The following SLC15A5 variants were observed in gnomAD, a reference collection of about 807,000 sequenced individuals.
The protein encoded by SLC15A5 is Peptide/histidine transporter ENSP00000340402.
In SLC15A5, 58 loss-of-function variants were observed where a neutral mutation model predicts 56.1. The observed-to-expected ratio is 1.03, with a 90% confidence interval of 0.84 to 1.29. The LOEUF is 1.29. SLC15A5 is among the 50% of genes most tolerant of loss of function. The pLI, the probability that SLC15A5 is intolerant of heterozygous loss-of-function variation, is 0.00. For missense variants in SLC15A5, 681 were observed against 672.1 expected (o/e 1.01, Z -0.15); for synonymous variants, 264 against 250.5 (o/e 1.05, Z -0.51).
intron 1 of SLC15A5, among the ~76,000 whole-genome samples, chr12:16,276,493 A>G (rs1864822488): frequency 6.6e-6 from 1 of 151,906 alleles, no homozygotes; most frequent in Non-Finnish European, 1.5e-5. Flanking sequence ...TTGGCACTTT[A>G]TTGCTTAAAC....
chr12:16,230,575 C>G (rs920685091), intron 5 of SLC15A5, among the ~76,000 whole-genome samples: 2 of 152,070 alleles, frequency 1.3e-5, no homozygotes, highest in Non-Finnish European at 2.9e-5. Flanking sequence ...TAATTATTTA[C>G]ACCCAGAGAA....
At chr12:16,265,812 T>C (rs541117067) in intron 2 of SLC15A5, among the ~76,000 whole-genome samples, 88 of 152,320 alleles carry the variant, frequency 5.8e-4, no homozygotes, top group South Asian at 1.4e-3. Context: ...GAAAATACTC[T>C]TTCTTCAATT....
chr12:16,273,272 T>C (rs1864780146), intron 1 of SLC15A5, among the ~76,000 whole-genome samples: 1 of 145,170 alleles, frequency 6.9e-6, no homozygotes, highest in African/African-American at 2.5e-5. Context: ...GAACACAGCC[T>C]TTTTTTTTTT....
intron 2 of SLC15A5, among the ~76,000 whole-genome samples, chr12:16,266,893 T>C (rs1477175884): frequency 6.6e-6 from 1 of 152,228 alleles, no homozygotes; most frequent in African/African-American, 2.4e-5. Context: ...TGGGAGTATA[T>C]ATAAGTGGTA....
intron 6 of SLC15A5, among the ~76,000 whole-genome samples, chr12:16,223,188 A>C (rs1394772534): frequency 6.6e-6 from 1 of 152,180 alleles, no homozygotes; most frequent in African/African-American, 2.4e-5. Flanking sequence ...TTTTAAGATA[A>C]TAGAATCATT....
At chr12:16,266,966 C>G (rs1402435265) in intron 2 of SLC15A5, among the ~76,000 whole-genome samples, 1 of 152,128 alleles carries the variant, frequency 6.6e-6, no homozygotes, top group African/African-American at 2.4e-5. Context: ...TGCTGCAAAA[C>G]TCAGCAATCC....
chr12:16,214,192 T>C (rs1281286289), intron 7 of SLC15A5, among the ~76,000 whole-genome samples: 3 of 152,238 alleles, frequency 2.0e-5, no homozygotes, highest in Non-Finnish European at 4.4e-5. Flanking sequence ...GCTCCTACTA[T>C]ACTATATAGA....
In SLC15A5 at chr12:16,234,876, C is replaced by G. The variant is rs1864331955; in HGVS notation, c.1162+4805G>C. 2.6e-5 allele frequency among the ~76,000 whole-genome samples: 4 copies of G among 152,002 alleles called. No homozygotes were observed. In the South Asian group the frequency reaches 8.3e-4, roughly 32 times the overall value. On this transcript the variant is annotated intron_variant, in intron 5 of 8. Coordinates refer to ENST00000344941, the MANE Select transcript of SLC15A5 (RefSeq NM_001170798.1). ...ATTCTTTAGGTATTGGTATAAGATTCTTTAGGTATAAATTTATTTGCTGAG... is the reference window on the plus strand; with the variant it reads ...ATTCTTTAGGTATTGGTATAAGATTGTTTAGGTATAAATTTATTTGCTGAG...
At chr12:16,193,206 G>T (rs1863855187) in intron 8 of SLC15A5, among the ~76,000 whole-genome samples, 1 of 152,022 alleles carries the variant, frequency 6.6e-6, no homozygotes, top group East Asian at 1.9e-4. Context: ...TCTCTAATTT[G>T]ATTTTCAATC....
chr12:16,273,221 A>G (rs2136826857), intron 1 of SLC15A5, among the ~76,000 whole-genome samples: 1 of 152,184 alleles, frequency 6.6e-6, no homozygotes, highest in South Asian at 2.1e-4. Context: ...GAAGCTTATT[A>G]CCTAAAAGCT....
chr12:16,255,815 T>C (rs535112627), intron 3 of SLC15A5, among the ~76,000 whole-genome samples: 4 of 152,058 alleles, frequency 2.6e-5, no homozygotes, highest in African/African-American at 9.6e-5. Flanking sequence ...GAGAAAAGTG[T>C]GAATTATATG....
intron 5 of SLC15A5, among the ~76,000 whole-genome samples, chr12:16,226,556 T>G (rs2136250472): frequency 6.6e-6 from 1 of 152,292 alleles, no homozygotes; most frequent in East Asian, 1.9e-4. Flanking sequence ...CTTAAAGTAT[T>G]ATTGGTCCTC....
chr12:16,218,864 T>A (rs1188434112), intron 6 of SLC15A5, among the ~76,000 whole-genome samples: 1 of 152,174 alleles, frequency 6.6e-6, no homozygotes, highest in Non-Finnish European at 1.5e-5. Context: ...GCTTGTTTGT[T>A]TGTTTTTAAT....
intron 5 of SLC15A5, among the ~76,000 whole-genome samples, chr12:16,238,570 T>C (rs1328382897): frequency 6.3e-5 from 9 of 142,308 alleles, no homozygotes; most frequent in Non-Finnish European, 1.2e-4. Context: ...GAAGAGGTTG[T>C]AGTGAGCCGA....
At position 16,271,663 on chromosome 12, in the gene SLC15A5, T is replaced by C. The variant is rs545657397; in HGVS notation, c.584+898A>G. ...TATACATACACATATAGACACTATT[T>C]ACTCTAAAAATGGACAATGTAGCTC... On this transcript the variant is annotated intron_variant, in intron 2 of 8. Coordinates refer to ENST00000344941, the MANE Select transcript of SLC15A5 (RefSeq NM_001170798.1). The surrounding 1 kb of genome is among the most constrained non-coding windows in gnomAD (Gnocchi z 8.0). Among the ~76,000 whole-genome samples the C allele has an allele frequency of 5.3e-5, 8 of 152,300 alleles. No homozygotes were observed. Among genetic ancestry groups the C allele is most frequent in the African/African-American group, 1.7e-4 (7 of 41,574 alleles).
chr12:16,257,038 A>G (rs569171100), intron 3 of SLC15A5, among the ~76,000 whole-genome samples: 2 of 152,180 alleles, frequency 1.3e-5, no homozygotes, highest in South Asian at 4.2e-4. Context: ...AACAAATTTC[A>G]AAAAGGAAAC....
At chr12:16,261,446 A>G (rs563431161) in intron 2 of SLC15A5, among the ~76,000 whole-genome samples, 12 of 152,264 alleles carry the variant, frequency 7.9e-5, no homozygotes, top group Non-Finnish European at 1.5e-4. Context: ...GTACTATTCC[A>G]TTATGTAAAT....
intron 2 of SLC15A5, among the ~76,000 whole-genome samples, chr12:16,265,319 T>C (rs1455240541): frequency 6.6e-6 from 1 of 152,204 alleles, no homozygotes; most frequent in Non-Finnish European, 1.5e-5. Flanking sequence ...ATGTGTGAAG[T>C]TGAGCTAGTC....
intron 8 of SLC15A5, among the ~76,000 whole-genome samples, chr12:16,193,600 G>C (rs1043077824): frequency 8.6e-5 from 13 of 151,926 alleles, no homozygotes; most frequent in African/African-American, 2.7e-4. Flanking sequence ...GGAAGGAAGT[G>C]AGGAAAATGA....
Sources: gnomAD v4.1 joint callset for allele counts (sites outside exome capture counted in the v4.1 genomes callset) on GRCh38, gnomAD v4.1.1 for gene constraint, Gnocchi (gnomAD v3.1) non-coding constraint, MANE v1.5 for transcripts, NCBI Gene and HGNC (gene_info 2026-07-23, HGNC 2026-07-21) for gene names.